ABCC3: variants seen among roughly 807,000 people sequenced by gnomAD.
The protein encoded by ABCC3 is ATP binding cassette subfamily C member 3.
Under a neutral mutation model 165.3 loss-of-function variants are expected in ABCC3, and 121 were observed. The observed-to-expected ratio is 0.73, with a 90% confidence interval of 0.63 to 0.85. ABCC3 has a LOEUF of 0.85. Ranked by LOEUF, ABCC3 falls within the 40% of genes least tolerant of loss-of-function variation. The probability of loss-of-function intolerance (pLI) is 0.00; values close to 1 mark genes in which losing one functional copy is unlikely to be tolerated. For missense variants in ABCC3, 1,869 were observed against 1,964.1 expected, an observed-to-expected ratio of 0.95 and a Z score of 0.92; for synonymous variants, 733 against 810.1, an observed-to-expected ratio of 0.90 and a Z score of 1.62.
rs771035907 is a variant in ABCC3, at chr17:50,659,367, C to G, written c.805C>G (p.Arg269Gly). The G allele has an allele frequency of 1.2e-6, 2 of 1,606,448 alleles. No homozygotes were observed. The highest frequency in any genetic ancestry group is 1.7e-6 in the Non-Finnish European group (2 of 1,174,316). Residue 269 changes from arginine to glycine, a missense_variant and splice_region_variant, in exon 7 of 31, where the codon CGA becomes GGA. Transcript: ENST00000285238. ...AWRKQEKQTARHKASAAPGKN... is the reference protein window; with the variant it reads ...AWRKQEKQTAGHKASAAPGKN... ...GAGGAAGCAGGAAAAGCAGACGGCA[C>G]GGTGAGGCCCTCCCCTTGCCCCAAC...
rs948258090 is a variant in ABCC3 at position 50,687,859 on chromosome 17, G to C, written c.4475+129G>C. The C allele has an allele frequency of 4.0e-5, 41 of 1,026,878 alleles. No individual in the cohort carries two copies. In the African/African-American group the frequency reaches 6.1e-4, roughly 15 times the overall value. The allele number at this position is 1,026,878 out of a possible 1,614,324, so 63.6% of individuals were successfully genotyped here. ...GGATTGCTAGGGCATGGCAGGCAGAGCAGAGTTTCCCAAGATCTGGATAAG... is the reference window on the plus strand; with the variant it reads ...GGATTGCTAGGGCATGGCAGGCAGACCAGAGTTTCCCAAGATCTGGATAAG... On this transcript the variant is annotated intron_variant, in intron 30 of 30. Transcript: ENST00000285238.
At chr17:50,653,778 AC>A (rs994718254) in intron 1 of ABCC3, among the ~76,000 whole-genome samples, 50 of 152,184 alleles carry the variant, frequency 3.3e-4, no homozygotes, top group Middle Eastern at 3.4e-3. Flanking sequence ...AAAAACCTAA[AC>A]CAGTAAAGGC....
At chr17:50,654,022 A>G (rs1478698293) in intron 1 of ABCC3, among the ~76,000 whole-genome samples, 1 of 152,224 alleles carries the variant, frequency 6.6e-6, no homozygotes, top group African/African-American at 2.4e-5. Flanking sequence ...GTTTCAGTTC[A>G]CTATGTAAGG....
At chr17:50,658,398 A>C (rs1967304100) in intron 5 of ABCC3, 37 bp from the exon 6 acceptor site, 2 of 1,602,722 alleles carry the variant, frequency 1.2e-6, no homozygotes, top group East Asian at 4.5e-5. Context: ...GGTGGTGGGC[A>C]CTCCTGATTC....
Position 50,673,976 on chromosome 17 carries a change from C to G in ABCC3, c.2599+318C>G, listed in dbSNP as rs1967723761. 1.6e-4 allele frequency among the ~76,000 whole-genome samples: 2 copies of G among 12,200 alleles called. 1 individual carries two copies. The highest frequency in any genetic ancestry group is 7.2e-3 in the South Asian group (2 of 278). 8.0% of individuals were successfully genotyped at this position (12,200 alleles called of 152,430 possible). ...TCTTTCTTTCTTTCTTTCTTTCTTT[C>G]TTTCTCTCTCTCTCTCTCTCTCTCT... On this transcript the variant is annotated intron_variant, in intron 19 of 30. Transcript: ENST00000285238.
Position 50,676,383 on chromosome 17 carries a change from C to T in ABCC3, c.3173C>T (p.Ser1058Phe). 6.2e-7 allele frequency: 1 copy of T among 1,614,246 alleles called. No individual in the cohort carries two copies. The highest frequency in any genetic ancestry group is 1.6e-4 in the Middle Eastern group (1 of 6,062). Reference protein sequence around the residue: ...LLHNKIRSPQSFFDTTPSGRI... With the variant: ...LLHNKIRSPQFFFDTTPSGRI... ...CACAACAAGATACGCTCGCCACAGT[C>T]CTTCTTTGACACCACACCATCAGGC... Residue 1058 changes from serine (S) to phenylalanine (F), a missense_variant, in exon 23 of 31, where the codon TCC (serine) becomes TTC (phenylalanine). Physicochemically the swap from Ser to Phe is radical, Grantham distance 155. Transcript: ENST00000285238.
At chr17:50,673,988 CT>C (rs1967732603) in intron 19 of ABCC3, among the ~76,000 whole-genome samples, 1 of 12,524 alleles carries the variant, frequency 8.0e-5, no homozygotes, top group Non-Finnish European at 1.4e-4. Flanking sequence ...TTCTCTCTCT[CT>C]CTCTCTCTCT....
At chr17:50,651,066 G>GAAAAAAA (rs57837230) in intron 1 of ABCC3, among the ~76,000 whole-genome samples, 1,626 of 84,168 alleles carry the variant, frequency 0.019, 95 homozygotes, top group African/African-American at 0.06. Flanking sequence ...CTCCATCTCA[G>GAAAAAAA]AAAAAAAAAA....
At chr17:50,648,436 C>T (rs1967046934) in intron 1 of ABCC3, among the ~76,000 whole-genome samples, 1 of 152,152 alleles carries the variant, frequency 6.6e-6, no homozygotes, top group African/African-American at 2.4e-5. Context: ...CAAATTCCAG[C>T]CACCTCACAG....
In ABCC3 at chr17:50,669,397, A is replaced by C; in HGVS notation, c.2110A>C (p.Thr704Pro). The part of the protein sequence containing the change: ...VPQQAWIQNC[T>P]LQENVLFGKA... The stretch of plus-strand genomic sequence containing the variant: ...CCAGCAGGCATGGATCCAGAACTGC[A>C]CTCTTCAGGAAAACGTGCTTTTCGG... Residue 704 changes from threonine (T) to proline (P), a missense_variant, in exon 17 of 31, where the codon ACT becomes CCT. Physicochemically the swap from Thr to Pro is conservative, Grantham distance 38. Transcript: ENST00000285238. 1 of 1,614,158 alleles carries C rather than the reference A, an allele frequency of 6.2e-7. No individual in the cohort carries two copies. The highest frequency in any genetic ancestry group is 1.1e-5 in the South Asian group (1 of 91,080).
In ABCC3 at chr17:50,675,447, C is replaced by A; in HGVS notation, c.2685C>A (p.Val895=). The A allele has an allele frequency of 1.2e-6, 2 of 1,613,936 alleles. No homozygotes were observed. The highest frequency in any genetic ancestry group is 2.2e-5 in the South Asian group (2 of 91,036). ...CGGATCTGACAGACAATGATCCAGT[C>A]ACCTATGTGGTCCAGAAGCAGTTTA... ...NHTDLTDNDP[V]TYVVQKQFMR... The change falls in exon 20 of 31, where the codon GTC becomes GTA. Residue 895 remains valine (V), a synonymous_variant. Transcript: ENST00000285238.
In ABCC3 at chr17:50,656,000, C is replaced by G. The variant is rs747189052; in HGVS notation, c.214C>G (p.Leu72Val). ...CATCATCCTCTCCCACCTGTCCAAG[C>G]TCAAGATGGTCAGTGGCTCAGGGAT... ...GYIILSHLSK[L>V]KMVLGVLLWC... Residue 72 changes from leucine to valine, a missense_variant, in exon 2 of 31, where the codon CTC becomes GTC. Transcript: ENST00000285238. The G allele has an allele frequency of 6.8e-6, 11 of 1,613,672 alleles. No individual in the cohort carries two copies. Among genetic ancestry groups the G allele is most frequent in the African/African-American group, 1.3e-5 (1 of 74,904 alleles).
chr17:50,660,788 G>A lies in ABCC3; in HGVS notation c.807-135G>A, dbSNP rs927101671. The A allele has an allele frequency of 5.9e-6, 4 of 681,740 alleles. No homozygotes were observed. In the African/African-American group the frequency reaches 7.3e-5, roughly 12 times the overall value. 42.2% of individuals were successfully genotyped at this position (681,740 alleles called of 1,614,324 possible). On this transcript the variant is annotated intron_variant, in intron 7 of 30. Transcript: ENST00000285238. ...CGCTTGTGCAATTCTTATGCTGTCT[G>A]TTCCCCTCCCAGCTCTGAGAGCCAA...
chr17:50,663,999 T>C lies in ABCC3; in HGVS notation c.1226T>C (p.Ile409Thr), dbSNP rs1967463662. 1.2e-6 allele frequency: 2 copies of C among 1,614,064 alleles called. No homozygotes were observed. Among genetic ancestry groups the C allele is most frequent in the Non-Finnish European group, 1.7e-6 (2 of 1,179,978 alleles). ...SVKRASTVGEIVNLMSVDAQR... is the reference protein window; with the variant it reads ...SVKRASTVGETVNLMSVDAQR... ...AAACGTGCGTCCACTGTGGGGGAAATTGTCAACCTCATGTCAGTGGATGCC... is the reference window on the plus strand; with the variant it reads ...AAACGTGCGTCCACTGTGGGGGAAACTGTCAACCTCATGTCAGTGGATGCC... The change falls in exon 10 of 31, where the codon ATT (isoleucine) becomes ACT (threonine). Residue 409 changes from isoleucine to threonine, a missense_variant. Transcript: ENST00000285238.
At chr17:50,686,716 A>G (rs1968028818) in intron 29 of ABCC3, among the ~76,000 whole-genome samples, 1 of 152,172 alleles carries the variant, frequency 6.6e-6, no homozygotes, top group African/African-American at 2.4e-5. Flanking sequence ...CACTTTAAGT[A>G]TAACCTGTGT....
intron 1 of ABCC3, among the ~76,000 whole-genome samples, chr17:50,647,655 A>G (rs542107254): frequency 6.6e-6 from 1 of 152,338 alleles, no homozygotes; most frequent in South Asian, 2.1e-4. Context: ...AGAAACCAGG[A>G]GACCAGGAAA....
Position 50,669,770 on chromosome 17 carries a change from G to T in ABCC3, c.2241+242G>T, listed in dbSNP as rs574063778. 2.0e-5 allele frequency among the ~76,000 whole-genome samples: 3 copies of T among 148,450 alleles called. No individual in the cohort carries two copies. The East Asian group carries it at 6.0e-4, about 29-fold the overall frequency. On this transcript the variant is annotated intron_variant, in intron 17 of 30. Transcript: ENST00000285238. ...GGGTACAGGGAGGGCACAGCAGGGA[G>T]CCTACATAAGGAAGAGCATCACTTT...
chr17:50,660,961 G>A lies in ABCC3; in HGVS notation c.845G>A (p.Gly282Asp). 1.2e-6 allele frequency: 2 copies of A among 1,612,638 alleles called. No individual in the cohort carries two copies. Among genetic ancestry groups the A allele is most frequent in the African/African-American group, 1.3e-5 (1 of 75,006 alleles). Residue 282 changes from glycine (G) to aspartate (D), a missense_variant, in exon 8 of 31, where the codon GGC (glycine) becomes GAC (aspartate). Gly to Asp is a moderately conservative substitution (Grantham distance 94). Transcript: ENST00000285238. ...GCAGCACCTGGGAAAAATGCCTCCGGCGAGGACGAGGTGCTGCTGGGTGCC... is the reference window on the plus strand; with the variant it reads ...GCAGCACCTGGGAAAAATGCCTCCGACGAGGACGAGGTGCTGCTGGGTGCC... Reference protein sequence around the residue: ...ASAAPGKNASGEDEVLLGARP... With the variant: ...ASAAPGKNASDEDEVLLGARP...
Position 50,679,766 on chromosome 17 carries a change from C to T in ABCC3, c.3706-32C>T, listed in dbSNP as rs374685303. 22 of 1,587,356 alleles carry T rather than the reference C, an allele frequency of 1.4e-5. No homozygotes were observed. In the African/African-American group the frequency reaches 2.2e-4, roughly 16 times the overall value. On this transcript the variant is annotated intron_variant, in intron 25 of 30. Coordinates refer to ENST00000285238, the MANE Select transcript of ABCC3 (RefSeq NM_003786.4). ...AGCCATTACGGTGGGGAGGGGAGATCGCCATACGTATAACCCAGTCCCTTT... is the reference window on the plus strand; with the variant it reads ...AGCCATTACGGTGGGGAGGGGAGATTGCCATACGTATAACCCAGTCCCTTT...
Sources: allele counts gnomAD v4.1 joint callset (sites outside exome capture counted in the v4.1 genomes callset), GRCh38; gene constraint gnomAD v4.1.1; transcripts MANE v1.5; gene names NCBI Gene and HGNC (gene_info 2026-07-23, HGNC 2026-07-21).